Variants in BRINP3 observed in about 807,000 individuals in gnomAD.
The protein encoded by BRINP3 is BMP/retinoic acid inducible neural specific 3.
In BRINP3, 19 loss-of-function variants were observed where a neutral mutation model predicts 71.0. The ratio of observed to expected loss-of-function variants is 0.27; its 90% confidence interval spans 0.19 to 0.39. BRINP3 has a LOEUF of 0.39. Among genes scored for constraint, BRINP3 ranks in the 10% least tolerant of loss-of-function variants. BRINP3 has a pLI of 1.00. For synonymous variants in BRINP3, 380 were observed against 337.7 expected (o/e 1.13, Z -1.37); for missense variants, 959 against 940.8 (o/e 1.02, Z -0.25).
intron 2 of BRINP3, among the ~76,000 whole-genome samples, chr1:190,440,331 C>T (rs1467192962): frequency 6.6e-6 from 1 of 151,702 alleles, no homozygotes; most frequent in Non-Finnish European, 1.5e-5. Flanking sequence ...TTATGTTAAG[C>T]CACAGTGTTC....
At chr1:190,274,639 C>A (rs370144128) in intron 3 of BRINP3, among the ~76,000 whole-genome samples, 4 of 151,504 alleles carry the variant, frequency 2.6e-5, no homozygotes, top group Admixed American at 6.6e-5. Context: ...TGTGCTAAAG[C>A]CTTACAATAT....
At chr1:190,194,823 A>G (rs2102587546) in intron 6 of BRINP3, among the ~76,000 whole-genome samples, 1 of 152,190 alleles carries the variant, frequency 6.6e-6, no homozygotes, top group East Asian at 1.9e-4. Flanking sequence ...CTCATCTAGA[A>G]GTAGTAGTAG....
intron 2 of BRINP3, among the ~76,000 whole-genome samples, chr1:190,453,752 T>C (rs1675806035): frequency 6.6e-6 from 1 of 152,178 alleles, no homozygotes; most frequent in Non-Finnish European, 1.5e-5. Context: ...TGAAGCACAG[T>C]GCCCTCTGGT....
intron 2 of BRINP3, among the ~76,000 whole-genome samples, chr1:190,332,217 G>A (rs1667010463): frequency 1.3e-5 from 2 of 151,976 alleles, no homozygotes; most frequent in Non-Finnish European, 2.9e-5. Flanking sequence ...CATATATACT[G>A]CCAACTCTTA....
intron 2 of BRINP3, among the ~76,000 whole-genome samples, chr1:190,450,639 A>C (rs908548721): frequency 6.6e-6 from 1 of 152,096 alleles, no homozygotes; most frequent in Admixed American, 6.6e-5. Flanking sequence ...AATTCTTAAT[A>C]ACTTGTACTT....
chr1:190,195,284 A>G (rs1654380107), intron 6 of BRINP3, among the ~76,000 whole-genome samples: 1 of 151,938 alleles, frequency 6.6e-6, no homozygotes, highest in Non-Finnish European at 1.5e-5. Flanking sequence ...ACCAATTTTT[A>G]TAATTTAAAA....
At chr1:190,175,288 T>C (rs1033440183) in intron 6 of BRINP3, among the ~76,000 whole-genome samples, 13 of 152,232 alleles carry the variant, frequency 8.5e-5, no homozygotes, top group South Asian at 2.1e-4. Context: ...AGCTTCCAAA[T>C]AAATGTTCAG....
At chr1:190,465,384 C>G (rs1160808221) in intron 1 of BRINP3, among the ~76,000 whole-genome samples, 3 of 151,910 alleles carry the variant, frequency 2.0e-5, no homozygotes, top group Non-Finnish European at 2.9e-5. Context: ...CCTGTTAACT[C>G]AGTTCTCAGC....
intron 1 of BRINP3, among the ~76,000 whole-genome samples, 180 bp from the exon 2 acceptor site, chr1:190,455,120 G>A (rs2102630760): frequency 6.6e-6 from 1 of 152,058 alleles, no homozygotes; most frequent in East Asian, 1.9e-4. Context: ...TTTATACTTT[G>A]TTCCTTTTTT....
At chr1:190,346,772 A>G (rs1262307417) in intron 2 of BRINP3, among the ~76,000 whole-genome samples, 1 of 152,130 alleles carries the variant, frequency 6.6e-6, no homozygotes, top group African/African-American at 2.4e-5. Context: ...CCAGAATAGT[A>G]TACTTACATC....
intron 2 of BRINP3, among the ~76,000 whole-genome samples, chr1:190,423,475 T>G (rs1289157979): frequency 6.6e-6 from 1 of 151,836 alleles, no homozygotes; most frequent in African/African-American, 2.4e-5. Flanking sequence ...GTTCACAGGA[T>G]AGCGTAGAAT....
intron 2 of BRINP3, among the ~76,000 whole-genome samples, chr1:190,395,974 GAAGGAAGGAAGGAAGGAAGC>G: frequency 1.4e-5 from 2 of 141,928 alleles, no homozygotes; most frequent in South Asian, 4.3e-4. Flanking sequence ...CAGAAGGAAA[GAAGGAAGGAAGGAAGGAAGC>G]AAGGAAGGAA....
chr1:190,383,397 G>A (rs917862131), intron 2 of BRINP3, among the ~76,000 whole-genome samples: 3 of 152,000 alleles, frequency 2.0e-5, no homozygotes, highest in African/African-American at 7.2e-5. Flanking sequence ...CCTCGTAAGA[G>A]AATGCAATCA....
At chr1:190,161,238 T>A (rs1650913519) in intron 6 of BRINP3, among the ~76,000 whole-genome samples, 1 of 151,996 alleles carries the variant, frequency 6.6e-6, no homozygotes, top group Admixed American at 6.6e-5. Context: ...CAATACATAA[T>A]CATTAATCTG....
At chr1:190,313,827 C>T (rs1007602728) in intron 2 of BRINP3, among the ~76,000 whole-genome samples, 2 of 152,002 alleles carry the variant, frequency 1.3e-5, no homozygotes, top group Admixed American at 6.6e-5. Context: ...GACCTTGGTG[C>T]TTTCATTGCT....
intron 4 of BRINP3, among the ~76,000 whole-genome samples, chr1:190,243,768 G>T (rs898867874): frequency 2.0e-5 from 3 of 152,052 alleles, no homozygotes; most frequent in African/African-American, 7.2e-5. Flanking sequence ...CTGGGCCAGA[G>T]AAATGATATT....
In BRINP3 at chr1:190,281,661, C is replaced by T. The variant is rs144952455; in HGVS notation, c.326G>A (p.Arg109His). 3.3e-5 allele frequency: 53 copies of T among 1,612,750 alleles called. No homozygotes were observed. Among genetic ancestry groups the T allele is most frequent in the Middle Eastern group, 1.6e-4 (1 of 6,076 alleles). ...TCGACGTCCCAAAAGTCTTATGTTGCGGAAGAATTCAGGGGCAAGAGGCAG... is the reference window on the plus strand; with the variant it reads ...TCGACGTCCCAAAAGTCTTATGTTGTGGAAGAATTCAGGGGCAAGAGGCAG... ...SPLPLAPEFF[R>H]NIRLLGRRPT... is the part of the protein sequence containing the mutation. Residue 109 changes from arginine (R) to histidine (H), a missense_variant, in exon 3 of 8, where the codon CGC becomes CAC. By Grantham distance (29) the Arg-to-His change is conservative. Transcript: ENST00000367462.
chr1:190,209,292 T>G (rs1185401744), intron 6 of BRINP3, among the ~76,000 whole-genome samples: 1 of 152,142 alleles, frequency 6.6e-6, no homozygotes, highest in Non-Finnish European at 1.5e-5. Context: ...ACATTATTTA[T>G]CTACCTAAGG....
chr1:190,145,938 GA>G (rs1443454042), intron 7 of BRINP3, among the ~76,000 whole-genome samples: 2 of 152,158 alleles, frequency 1.3e-5, no homozygotes, highest in African/African-American at 4.8e-5. Context: ...TATTCTAAGT[GA>G]AGTTGCTCAG....
Sources: allele counts gnomAD v4.1 joint callset (sites outside exome capture counted in the v4.1 genomes callset), GRCh38; gene constraint gnomAD v4.1.1; transcripts MANE v1.5; gene names NCBI Gene and HGNC (gene_info 2026-07-23, HGNC 2026-07-21).